The following PIK3CB variants were observed in gnomAD, a reference collection of about 807,000 sequenced individuals.
The protein encoded by PIK3CB is phosphatidylinositol-4,5-bisphosphate 3-kinase catalytic subunit beta.
Under a neutral mutation model 136.8 loss-of-function variants are expected in PIK3CB, and 39 were observed. The ratio of observed to expected loss-of-function variants is 0.29; its 90% confidence interval spans 0.22 to 0.37. PIK3CB has a LOEUF of 0.37. Ranked by LOEUF, PIK3CB falls within the 10% of genes least tolerant of loss-of-function variation. The pLI is 1.00. For synonymous variants in PIK3CB, 428 were observed against 436.6 expected, an observed-to-expected ratio of 0.98 and a Z score of 0.25; for missense variants, 868 against 1,275.4, an observed-to-expected ratio of 0.68 and a Z score of 4.87.
At chr3:138,668,653 A>T (rs2043463789) in intron 19 of PIK3CB, among the ~76,000 whole-genome samples, 1 of 152,232 alleles carries the variant, frequency 6.6e-6, no homozygotes, top group South Asian at 2.1e-4. Flanking sequence ...TACTCTAAAC[A>T]GGTATATAGC....
At chr3:138,722,635 TG>T (rs2044751693) in intron 8 of PIK3CB, among the ~76,000 whole-genome samples, 5 of 150,714 alleles carry the variant, frequency 3.3e-5, no homozygotes, top group African/African-American at 1.2e-4. Context: ...CAAAAACTTC[TG>T]GCAAAACTCA....
intron 10 of PIK3CB, 180 bp from the exon 11 acceptor site, chr3:138,707,469 T>G: frequency 7.4e-7 from 1 of 1,352,256 alleles, no homozygotes; most frequent in Non-Finnish European, 9.4e-7. Flanking sequence ...AAAATTTCAG[T>G]GTGAGTTTGC....
intron 1 of PIK3CB, among the ~76,000 whole-genome samples, chr3:138,804,072 C>G (rs2046204666): frequency 1.3e-5 from 2 of 152,026 alleles, no homozygotes; most frequent in South Asian, 4.1e-4. Flanking sequence ...ACTTATAATC[C>G]CAGCACTCTG....
chr3:138,768,651 G>A (rs2045763462), intron 2 of PIK3CB, among the ~76,000 whole-genome samples: 1 of 152,124 alleles, frequency 6.6e-6, no homozygotes, highest in African/African-American at 2.4e-5. Context: ...CAAGCTGTAG[G>A]TACCGCCTAC....
At chr3:138,753,048 T>C (rs986007427) in intron 4 of PIK3CB, among the ~76,000 whole-genome samples, 2 of 151,880 alleles carry the variant, frequency 1.3e-5, no homozygotes, top group African/African-American at 4.8e-5. Context: ...CACAGTAAGA[T>C]TCCATCTCTA....
In PIK3CB at chr3:138,714,307, A is replaced by T. The variant is rs570196873; in HGVS notation, c.1302+161T>A. On this transcript the variant is annotated intron_variant, in intron 9 of 23. Transcript: ENST00000674063. ...AAACATAAATAAATGCATGAACATA[A>T]ATCTAAAGATATAAACATGGAAATT... Among the ~76,000 whole-genome samples, 3 of 152,330 alleles carry T rather than the reference A, an allele frequency of 2.0e-5. No homozygotes were observed. In the South Asian group the frequency reaches 6.2e-4, roughly 32 times the overall value.
At chr3:138,813,430 AT>A (rs770922735) in intron 1 of PIK3CB, among the ~76,000 whole-genome samples, 2,865 of 133,188 alleles carry the variant, frequency 0.022, 42 homozygotes, top group African/African-American at 0.065. Context: ...GGCCTACTCT[AT>A]TTTTTTTTTT....
Position 138,808,833 on chromosome 3 carries a change from A to G in PIK3CB, c.-121-12266T>C, listed in dbSNP as rs1267139246. 2.0e-5 allele frequency among the ~76,000 whole-genome samples: 3 copies of G among 151,648 alleles called. No individual in the cohort carries two copies. In the South Asian group the frequency reaches 6.2e-4, roughly 31 times the overall value. ...GTTTTATATGTGAATATATTAGACTATATAACATATACTAATACATTTTAT... is the reference window on the plus strand; with the variant it reads ...GTTTTATATGTGAATATATTAGACTGTATAACATATACTAATACATTTTAT... On this transcript the variant is annotated intron_variant, in intron 1 of 23. Transcript: ENST00000674063.
rs531370834 is a variant in PIK3CB at position 138,704,600 on chromosome 3, T to C, written c.1531-107A>G. ...GACTACATAAGATCTGGCATTGCTA[T>C]GCTTTGTAACAGAAACATGAATTTT... On this transcript the variant is annotated intron_variant, in intron 11 of 23. Transcript: ENST00000674063. 1.9e-4 allele frequency: 146 copies of C among 751,456 alleles called. No individual in the cohort carries two copies. The South Asian group carries it at 2.2e-3, about 11-fold the overall frequency. 46.5% of individuals were successfully genotyped at this position (751,456 alleles called of 1,614,324 possible). A position where few individuals can be genotyped will look rare whatever the true frequency, so the allele number is the denominator to read the frequency against.
rs142886390 is a variant in PIK3CB, at chr3:138,683,308, C to G, written c.2425+370G>C. On this transcript the variant is annotated intron_variant, in intron 18 of 23. Coordinates refer to ENST00000674063, the MANE Select transcript of PIK3CB (RefSeq NM_006219.3). ...GGTGGAGGTTTCAGTGAGCCAAGAT[C>G]GTGCCATTGCACTCCAGGCTGGGTG... 2.0e-5 allele frequency among the ~76,000 whole-genome samples: 3 copies of G among 147,590 alleles called. No individual in the cohort carries two copies. The Admixed American group carries it at 2.0e-4, about 10-fold the overall frequency.
At chr3:138,823,474 G>A (rs1433647007) in intron 1 of PIK3CB, among the ~76,000 whole-genome samples, 1 of 151,906 alleles carries the variant, frequency 6.6e-6, no homozygotes, top group Non-Finnish European at 1.5e-5. Flanking sequence ...GGAGGTAGAG[G>A]TGGGCAGATC....
At chr3:138,676,181 A>G (rs1397492974) in intron 19 of PIK3CB, among the ~76,000 whole-genome samples, 9 of 152,210 alleles carry the variant, frequency 5.9e-5, no homozygotes. Flanking sequence ...TTCACCAAAA[A>G]AGGTATAGAA....
intron 1 of PIK3CB, among the ~76,000 whole-genome samples, chr3:138,827,563 T>C (rs941610524): frequency 6.6e-6 from 1 of 151,810 alleles, no homozygotes; most frequent in African/African-American, 2.4e-5. Flanking sequence ...GTACTATTAA[T>C]AACCACTTAG....
At chr3:138,799,043 G>A (rs569103851) in intron 1 of PIK3CB, among the ~76,000 whole-genome samples, 5 of 152,054 alleles carry the variant, frequency 3.3e-5, no homozygotes, top group African/African-American at 4.8e-5. Flanking sequence ...GCAACATGGC[G>A]AAACCCAATC....
Position 138,815,701 on chromosome 3 carries a change from C to CT in PIK3CB, c.-122+18993dup, listed in dbSNP as rs574667717. 1.5e-4 allele frequency among the ~76,000 whole-genome samples: 23 copies of CT among 152,210 alleles called. No homozygotes were observed. In the East Asian group the frequency reaches 4.1e-3, roughly 27 times the overall value. The stretch of plus-strand genomic sequence containing the variant: ...AATTATTCATAAATGCACAGGTTAT[C>CT]TCTAGAACATACAGTAGTACACAGT... On this transcript the variant is annotated intron_variant, in intron 1 of 23. Coordinates refer to ENST00000674063, the MANE Select transcript of PIK3CB (RefSeq NM_006219.3).
chr3:138,803,577 C>T (rs950998408), intron 1 of PIK3CB, among the ~76,000 whole-genome samples: 1 of 152,092 alleles, frequency 6.6e-6, no homozygotes, highest in Admixed American at 6.6e-5. Flanking sequence ...TGCAGCAGCA[C>T]GTGGGCCAAG....
rs1213349707 is a variant in PIK3CB at position 138,739,905 on chromosome 3, A to G, written c.622-2019T>C. Among the ~76,000 whole-genome samples, 12 of 148,818 alleles carry G rather than the reference A, an allele frequency of 8.1e-5. No individual in the cohort carries two copies. In the Admixed American group the frequency reaches 8.1e-4, roughly 10 times the overall value. On this transcript the variant is annotated intron_variant, in intron 5 of 23. Coordinates refer to ENST00000674063, the MANE Select transcript of PIK3CB (RefSeq NM_006219.3). ...TCAGAGTGAGACTCCATCTCAAAAA[A>G]TAAAAAAAAAAAAAATAAAAGAGAC...
At chr3:138,686,752 G>A (rs981580190) in intron 16 of PIK3CB, among the ~76,000 whole-genome samples, 1 of 152,122 alleles carries the variant, frequency 6.6e-6, no homozygotes, top group Admixed American at 6.5e-5. Context: ...TTCTATGCAA[G>A]GAAACCACTA....
chr3:138,709,125 A>G (rs2044441504), intron 10 of PIK3CB, among the ~76,000 whole-genome samples: 1 of 152,180 alleles, frequency 6.6e-6, no homozygotes, highest in Non-Finnish European at 1.5e-5. Flanking sequence ...GAGAGCAAAA[A>G]TTGATACACG....
Sources: gnomAD v4.1 joint callset for allele counts (sites outside exome capture counted in the v4.1 genomes callset) on GRCh38, gnomAD v4.1.1 for gene constraint, MANE v1.5 for transcripts, NCBI Gene and HGNC (gene_info 2026-07-23, HGNC 2026-07-21) for gene names.